TXNRD2: variants seen among roughly 807,000 people sequenced by gnomAD.
The protein encoded by TXNRD2 is thioredoxin reductase 2, mitochondrial.
A neutral mutation model predicts 70.8 loss-of-function variants in TXNRD2; 67 were observed. That is an observed-to-expected ratio of 0.95 (90% CI 0.78 to 1.16). The LOEUF (loss-of-function observed/expected upper bound fraction) is 1.16, where lower values mean the gene tolerates loss of function less well. TXNRD2 is among the 50% of genes most tolerant of loss of function. TXNRD2 has a pLI of 0.00. For missense variants in TXNRD2, 644 were observed against 719.9 expected (o/e 0.89, Z 1.21); for synonymous variants, 301 against 295.8 (o/e 1.02, Z -0.18).
In TXNRD2 at chr22:19,880,663, G is replaced by C. The variant is rs377714537; in HGVS notation, c.1141C>G (p.Arg381Gly). The C allele has an allele frequency of 6.2e-7, 1 of 1,613,356 alleles. No individual in the cohort carries two copies. Among genetic ancestry groups the C allele is most frequent in the East Asian group, 2.2e-5 (1 of 44,882 alleles). The part of the protein sequence containing the change: ...AIMAGRLLVQ[R>G]LFGGSSDLMD... ...AGATCTGAGGACCCGCCGAAGAGCCGCTGCACCAGGAGCCTCCCGGCCATG... is the reference window on the plus strand; with the variant it reads ...AGATCTGAGGACCCGCCGAAGAGCCCCTGCACCAGGAGCCTCCCGGCCATG... The change falls in exon 13 of 18, where the codon CGG becomes GGG. Residue 381 changes from arginine to glycine, a missense_variant. This residue lies in a region of TXNRD2 where 566 missense variants were observed against 645.0 expected (regional missense o/e 0.88). Transcript: ENST00000400521.
In TXNRD2 at chr22:19,931,070, C is replaced by T; in HGVS notation, c.132G>A (p.Val44=). ...AAGQRDYDLL[V]VGGGSGGLAC... The stretch of plus-strand genomic sequence containing the variant: ...CCAGGCCACCAGATCCCCCGCCGAC[C>T]ACCAGGAGATCATAGTCCCGCTGAC... Residue 44 remains valine, a synonymous_variant, in exon 2 of 18, where the codon GTG becomes GTA. Coordinates refer to ENST00000400521, the MANE Select transcript of TXNRD2 (RefSeq NM_006440.5). 6.2e-7 allele frequency: 1 copy of T among 1,613,668 alleles called. No individual in the cohort carries two copies.
chr22:19,926,258 G>A (rs1569109128), intron 2 of TXNRD2, among the ~76,000 whole-genome samples: 1 of 152,282 alleles, frequency 6.6e-6, no homozygotes, highest in South Asian at 2.1e-4. Context: ...GGGAGGCCGA[G>A]GTGGGCGGAT....
intron 1 of TXNRD2, chr22:19,932,543 C>T (rs1941406875): frequency 6.6e-7 from 1 of 1,509,088 alleles, no homozygotes; most frequent in Non-Finnish European, 8.9e-7. Flanking sequence ...TGAACTGGGC[C>T]TGAGGTCCGG....
chr22:19,883,586 C>A, intron 11 of TXNRD2, 125 bp from the exon 12 acceptor site: 1 of 1,392,796 alleles, frequency 7.2e-7, no homozygotes, highest in Non-Finnish European at 1.0e-6. Flanking sequence ...GCCTGTAATC[C>A]CAGCACTGTA....
In TXNRD2 at chr22:19,895,493, G is replaced by C; in HGVS notation, c.863C>G (p.Pro288Arg). 6.2e-7 allele frequency: 1 copy of C among 1,613,954 alleles called. No individual in the cohort carries two copies. The highest frequency in any genetic ancestry group is 1.3e-5 in the African/African-American group (1 of 75,074). The stretch of plus-strand genomic sequence containing the variant: ...CCAGGTGACCTGCAGCTGGCCATCA[G>C]GGAGCCTCCTGACCCGCGAGGGGGC... ...GCAPSRVRRL[P>R]DGQLQVTWED... Residue 288 changes from proline to arginine, a missense_variant, in exon 11 of 18, where the codon CCT becomes CGT. Pro to Arg is a moderately radical substitution (Grantham distance 103). This residue lies in a region of TXNRD2 where 566 missense variants were observed against 645.0 expected (regional missense o/e 0.88). Coordinates refer to ENST00000400521, the MANE Select transcript of TXNRD2 (RefSeq NM_006440.5).
chr22:19,892,076 C>A (rs1037946408), intron 11 of TXNRD2, among the ~76,000 whole-genome samples: 11 of 152,252 alleles, frequency 7.2e-5, no homozygotes, highest in Non-Finnish European at 1.2e-4. Flanking sequence ...GGCATCCCCC[C>A]TTCCTGTCGG....
chr22:19,906,474 T>C (rs1028475237), intron 8 of TXNRD2, among the ~76,000 whole-genome samples: 1 of 151,884 alleles, frequency 6.6e-6, no homozygotes, highest in Non-Finnish European at 1.5e-5. Flanking sequence ...AAATAATCAT[T>C]AGCTGGGCGT....
chr22:19,941,362 A>G (rs1443768343), intron 1 of TXNRD2, among the ~76,000 whole-genome samples: 3 of 152,168 alleles, frequency 2.0e-5, no homozygotes, highest in Non-Finnish European at 2.9e-5. Flanking sequence ...AAGTCTGGCC[A>G]GTGGGGCCGG....
chr22:19,941,080 G>C (rs1350566871), intron 1 of TXNRD2, among the ~76,000 whole-genome samples: 2 of 152,164 alleles, frequency 1.3e-5, no homozygotes, highest in Non-Finnish European at 2.9e-5. Context: ...TGCATGGTGG[G>C]GGACCATGTT....
At chr22:19,904,492 G>T (rs1043424691) in intron 8 of TXNRD2, among the ~76,000 whole-genome samples, 2 of 152,266 alleles carry the variant, frequency 1.3e-5, no homozygotes, top group Non-Finnish European at 2.9e-5. Context: ...GGTGCACTGT[G>T]ATGCCTGAGT....
At position 19,895,148 on chromosome 22, in the gene TXNRD2, G is replaced by A. The variant is rs766848117; in HGVS notation, c.949+259C>T. On this transcript the variant is annotated intron_variant, in intron 11 of 17. Transcript: ENST00000400521. Reference sequence around the variant, plus strand: ...TGATGCCGTCTCAGTCTCTTCTCTGGTTTTTTCCAGCATGTCCCACGGTGG... The same window carrying A: ...TGATGCCGTCTCAGTCTCTTCTCTGATTTTTTCCAGCATGTCCCACGGTGG... 5 of 1,598,362 alleles carry A rather than the reference G, an allele frequency of 3.1e-6. No homozygotes were observed. The African/African-American group carries it at 6.7e-5, about 21-fold the overall frequency.
intron 7 of TXNRD2, 52 bp from the exon 8 acceptor site, chr22:19,911,499 AG>A: frequency 7.0e-7 from 1 of 1,435,468 alleles, no homozygotes; most frequent in Non-Finnish European, 9.8e-7. Context: ...GGCCTGTCCT[AG>A]GGCTTCCTTA....
At chr22:19,917,715 C>T (rs974772351) in intron 5 of TXNRD2, among the ~76,000 whole-genome samples, 14 of 152,200 alleles carry the variant, frequency 9.2e-5, no homozygotes, top group Non-Finnish European at 1.6e-4. Flanking sequence ...CACCAAGCTC[C>T]TGCACCCACA....
chr22:19,878,532 T>A (rs1601380394), intron 14 of TXNRD2, 95 bp from the exon 15 acceptor site: 1 of 1,167,002 alleles, frequency 8.6e-7, no homozygotes, highest in Non-Finnish European at 1.3e-6. Context: ...GGCAGGGTCA[T>A]GGCGGGCAGG....
chr22:19,918,343 G>A, intron 4 of TXNRD2, 126 bp from the exon 5 acceptor site: 2 of 865,886 alleles, frequency 2.3e-6, no homozygotes, highest in Non-Finnish European at 3.7e-6. Context: ...GCTTTTAAAG[G>A]TGGCAAAACG....
At chr22:19,878,496 G>T in intron 14 of TXNRD2, 59 bp from the exon 15 acceptor site, 1 of 1,480,356 alleles carries the variant, frequency 6.8e-7, no homozygotes, top group South Asian at 1.1e-5. Flanking sequence ...CGTGGCACCT[G>T]CAGCTCCCAC....
At chr22:19,932,256 C>A in intron 1 of TXNRD2, 1 of 1,601,568 alleles carries the variant, frequency 6.2e-7, no homozygotes, top group Non-Finnish European at 8.5e-7. Flanking sequence ...TGCCCAGCTG[C>A]AGTCAGCTAG....
At chr22:19,935,733 G>A (rs1941514318) in intron 1 of TXNRD2, among the ~76,000 whole-genome samples, 1 of 152,182 alleles carries the variant, frequency 6.6e-6, no homozygotes, top group South Asian at 2.1e-4. Context: ...ACAGAAAATA[G>A]AAAGAACGTA....
chr22:19,905,156 C>T (rs1045200656), intron 8 of TXNRD2, among the ~76,000 whole-genome samples: 9 of 152,174 alleles, frequency 5.9e-5, no homozygotes, highest in African/African-American at 7.2e-5. Context: ...ACAAAAGCCG[C>T]ATTTTCACAG....
Sources: gnomAD v4.1 joint callset for allele counts (sites outside exome capture counted in the v4.1 genomes callset) on GRCh38, gnomAD v4.1.1 for gene constraint, gnomAD v4.1.1 regional missense constraint, MANE v1.5 for transcripts, NCBI Gene and HGNC (gene_info 2026-07-23, HGNC 2026-07-21) for gene names.